RTN4: variants seen among roughly 807,000 people sequenced by gnomAD.
The protein encoded by RTN4 is reticulon 4.
In RTN4, 32 loss-of-function variants were observed where a neutral mutation model predicts 90.4. That is an observed-to-expected ratio of 0.35 (90% confidence interval 0.27 to 0.48). The LOEUF (loss-of-function observed/expected upper bound fraction) is 0.48, where lower values mean the gene tolerates loss of function less well. Among genes scored for constraint, RTN4 ranks in the 20% least tolerant of loss-of-function variants. The pLI, the probability that RTN4 is intolerant of heterozygous loss-of-function variation, is 0.99. For missense variants in RTN4, 1,706 were observed against 1,430.2 expected (o/e 1.19, Z -3.11); for synonymous variants, 629 against 552.5 (o/e 1.14, Z -1.94).
At chr2:55,104,433 A>G (rs987158287) in intron 1 of RTN4, among the ~76,000 whole-genome samples, 15 of 151,448 alleles carry the variant, frequency 9.9e-5, no homozygotes, top group African/African-American at 3.2e-4. Context: ...GCTCACTGCA[A>G]CCTCCGCCTC....
intron 2 of RTN4, among the ~76,000 whole-genome samples, chr2:55,061,066 A>ATTT (rs36001702): frequency 0.026 from 3,679 of 140,688 alleles, 112 homozygotes; most frequent in South Asian, 0.037. Flanking sequence ...AAAAATAAGA[A>ATTT]TTTTTTTTTT....
At chr2:55,087,406 CATATGGAT>C (rs1380591092) in intron 1 of RTN4, among the ~76,000 whole-genome samples, 1 of 152,210 alleles carries the variant, frequency 6.6e-6, no homozygotes, top group Non-Finnish European at 1.5e-5. Context: ...ACTTTTACAA[CATATGGAT>C]ATATTCATAC....
At chr2:55,106,434 C>T (rs971985693) in intron 1 of RTN4, among the ~76,000 whole-genome samples, 1 of 152,118 alleles carries the variant, frequency 6.6e-6, no homozygotes, top group African/African-American at 2.4e-5. Context: ...AGCCCTCATC[C>T]AGGGCCTCAC....
At chr2:55,099,874 T>C (rs187624680) in intron 1 of RTN4, among the ~76,000 whole-genome samples, 166 of 152,254 alleles carry the variant, frequency 1.1e-3, no homozygotes, top group African/African-American at 3.8e-3. Context: ...CACATAGGGC[T>C]GTGTAAGCAT....
chr2:55,098,747 T>C (rs1428836889), intron 1 of RTN4, among the ~76,000 whole-genome samples: 1 of 152,154 alleles, frequency 6.6e-6, no homozygotes, highest in East Asian at 1.9e-4. Flanking sequence ...TTTTAATCTA[T>C]AGGTTTCCCC....
chr2:55,077,756 T>TACACACAC (rs200121610), intron 2 of RTN4, among the ~76,000 whole-genome samples: 22,730 of 144,276 alleles, frequency 0.16, 1,861 homozygotes, highest in Non-Finnish European at 0.2. Context: ...AAATGTTTTA[T>TACACACAC]ACACACACAC....
intron 5 of RTN4, among the ~76,000 whole-genome samples, chr2:54,977,996 T>C (rs1167612620): frequency 6.6e-6 from 1 of 152,218 alleles, no homozygotes; most frequent in East Asian, 1.9e-4. Context: ...TTTGGTTATT[T>C]TTTTGATCAC....
the RTN4 span, among the ~76,000 whole-genome samples, chr2:55,128,801 A>C: frequency 6.6e-6 from 1 of 150,494 alleles, no homozygotes. Flanking sequence ...AGAAAAAAGA[A>C]AAAAAAAAAG....
At chr2:54,989,009 G>A (rs1314731622) in intron 3 of RTN4, among the ~76,000 whole-genome samples, 1 of 152,206 alleles carries the variant, frequency 6.6e-6, no homozygotes, top group Non-Finnish European at 1.5e-5. Context: ...CTCTTTCTAA[G>A]AAGAGGTGAC....
intron 1 of RTN4, among the ~76,000 whole-genome samples, chr2:55,105,426 CG>C (rs1667927696): frequency 6.6e-6 from 1 of 150,926 alleles, no homozygotes. Context: ...GATGGGTTTT[CG>C]CCATGTTGGC....
intron 3 of RTN4, among the ~76,000 whole-genome samples, chr2:55,017,578 A>G (rs1190567594): frequency 6.6e-6 from 1 of 152,226 alleles, no homozygotes; most frequent in African/African-American, 2.4e-5. Context: ...AACTAAAAAT[A>G]TTCTCTGTGC....
At chr2:55,016,559 G>C (rs1165801485) in intron 3 of RTN4, among the ~76,000 whole-genome samples, 1 of 152,204 alleles carries the variant, frequency 6.6e-6, no homozygotes, top group Non-Finnish European at 1.5e-5. Context: ...ACTCCAGCCT[G>C]AGTGACAGAG....
chr2:54,985,075 A>G (rs1353992894), intron 4 of RTN4, among the ~76,000 whole-genome samples: 1 of 145,468 alleles, frequency 6.9e-6, no homozygotes, highest in African/African-American at 2.6e-5. Context: ...GCTTGACAAT[A>G]TTTTTACATA....
At chr2:55,117,403 A>G (rs988523341), upstream of RTN4, among the ~76,000 whole-genome samples, 4 of 152,182 alleles carry the variant, frequency 2.6e-5, no homozygotes, top group Admixed American at 1.3e-4. Context: ...CTCATCCTGG[A>G]ACAGAGAAGA....
Position 55,023,083 on chromosome 2 carries a change from CT to C in RTN4, c.3013+2002del, listed in dbSNP as rs535347577. ...TCTACTCTCCTCCTACCTCTCCTAC[CT>C]TTTTCTATTCACATCCTTCAACTTA... On this transcript the variant is annotated intron_variant, in intron 3 of 8. Transcript: ENST00000337526. Among the ~76,000 whole-genome samples the C allele has an allele frequency of 4.1e-4, 62 of 152,196 alleles. No individual in the cohort carries two copies. The South Asian group carries it at 0.012, about 30-fold the overall frequency.
At chr2:55,133,790 G>A in the RTN4 span, among the ~76,000 whole-genome samples, 1 of 152,162 alleles carries the variant, frequency 6.6e-6, no homozygotes, top group African/African-American at 2.4e-5. Context: ...TTGTCAAGAT[G>A]TCACAGGGTG....
chr2:54,980,769 T>G (rs1042391422), intron 5 of RTN4, among the ~76,000 whole-genome samples: 1 of 152,226 alleles, frequency 6.6e-6, no homozygotes, highest in African/African-American at 2.4e-5. Context: ...CAGACAGTAT[T>G]TCTTCTCAGT....
chr2:55,026,534 G>A lies in RTN4; in HGVS notation c.1565C>T (p.Ala522Val), dbSNP rs943161155. The change falls in exon 3 of 9, where the codon GCA (alanine) becomes GTA (valine). Residue 522 changes from alanine (A) to valine (V), a missense_variant. Transcript: ENST00000337526. ...TKTSNPFLVA[A>V]QDSETDYVTT... Reference sequence around the variant, plus strand: ...GACATAATCTGTCTCAGAATCCTGTGCTGCTACAAGAAAAGGGTTTGATGT... The same window carrying A: ...GACATAATCTGTCTCAGAATCCTGTACTGCTACAAGAAAAGGGTTTGATGT... 1 of 1,613,738 alleles carries A rather than the reference G, an allele frequency of 6.2e-7. No homozygotes were observed. The highest frequency in any genetic ancestry group is 8.5e-7 in the Non-Finnish European group (1 of 1,179,890).
At chr2:55,028,243 C>A (rs748109111) in intron 1 of RTN4, 23 bp from the exon 2 acceptor site, 44 of 1,603,842 alleles carry the variant, frequency 2.7e-5, no homozygotes, top group Non-Finnish European at 3.7e-5. Flanking sequence ...TAGAATATAA[C>A]CTCAGCAGAA....
Sources: allele counts gnomAD v4.1 joint callset (sites outside exome capture counted in the v4.1 genomes callset), GRCh38; gene constraint gnomAD v4.1.1; transcripts MANE v1.5; gene names NCBI Gene and HGNC (gene_info 2026-07-23, HGNC 2026-07-21).